Variants in BABAM2 observed in about 807,000 individuals in gnomAD.
BABAM2 encodes BRISC and BRCA1-A complex member 2.
BABAM2 carries 31 observed loss-of-function variants against 54.7 expected under a neutral mutation model. The observed-to-expected ratio is 0.57, with a 90% CI of 0.43 to 0.77. The LOEUF (loss-of-function observed/expected upper bound fraction) is 0.77, where lower values mean the gene tolerates loss of function less well. Among genes scored for constraint, BABAM2 ranks in the 30% least tolerant of loss-of-function variants. BABAM2 has a pLI of 0.00. For missense variants in BABAM2, 364 were observed against 455.8 expected (o/e 0.80, Z 1.83); for synonymous variants, 167 against 162.9 (o/e 1.03, Z -0.19).
intron 3 of BABAM2, among the ~76,000 whole-genome samples, chr2:27,967,737 G>C (rs1313403955): frequency 6.6e-6 from 1 of 152,174 alleles, no homozygotes; most frequent in African/African-American, 2.4e-5. Flanking sequence ...AAGCCAAGCT[G>C]AGGTGGTTTC....
chr2:27,939,862 T>C (rs141322342), intron 3 of BABAM2, among the ~76,000 whole-genome samples: 2 of 152,326 alleles, frequency 1.3e-5, no homozygotes, highest in East Asian at 3.9e-4. Flanking sequence ...TACTCACTAA[T>C]TGATTCTTAC....
At chr2:28,253,767 T>C (rs561579907) in intron 10 of BABAM2, among the ~76,000 whole-genome samples, 1 of 152,164 alleles carries the variant, frequency 6.6e-6, no homozygotes, top group African/African-American at 2.4e-5. Flanking sequence ...CAGAGAGATA[T>C]GGAGACTATC....
At position 27,922,029 on chromosome 2, in the gene BABAM2, C is replaced by T. The variant is rs116767574; in HGVS notation, c.129-7803C>T. Among the ~76,000 whole-genome samples the T allele has an allele frequency of 8.1e-3, 1,240 of 152,204 alleles. 15 individuals are homozygous for T. The highest frequency in any genetic ancestry group is 0.029 in the African/African-American group (1,199 of 41,524). On this transcript the variant is annotated intron_variant, in intron 2 of 11. Transcript: ENST00000379624. ...TACATAGTTGTTGGAGTGTTCACCT[C>T]CTGGATATCAGTGCTAGACACTGGA...
At position 28,279,660 on chromosome 2, in the gene BABAM2, C is replaced by CTTTT. The variant is rs59747836; in HGVS notation, c.935-18659_935-18656dup. On this transcript the variant is annotated intron_variant, in intron 10 of 11. Transcript: ENST00000379624. Reference sequence around the variant, plus strand: ...TAGTGCAGACAGGGCAGCTCAAAGGCTTTTTTTTTTTTTTTTTTTTTTGAG... The same window carrying CTTTT: ...TAGTGCAGACAGGGCAGCTCAAAGGCTTTTTTTTTTTTTTTTTTTTTTTTTTGAG... Among the ~76,000 whole-genome samples the CTTTT allele has an allele frequency of 4.3e-3, 429 of 100,256 alleles. 14 individuals carry two copies. Among genetic ancestry groups the CTTTT allele is most frequent in the African/African-American group, 0.017 (384 of 22,958 alleles). 65.8% of individuals were successfully genotyped at this position (100,256 alleles called of 152,430 possible).
intron 3 of BABAM2, among the ~76,000 whole-genome samples, chr2:27,949,914 G>A (rs1163509475): frequency 1.3e-5 from 2 of 152,062 alleles, no homozygotes; most frequent in Non-Finnish European, 2.9e-5. Context: ...TCCCCTTCCT[G>A]TTGCCCTCTC....
chr2:28,197,992 G>A (rs551882075), intron 7 of BABAM2, among the ~76,000 whole-genome samples: 12 of 152,230 alleles, frequency 7.9e-5, no homozygotes, highest in East Asian at 3.9e-4. Context: ...CGGGAACCCC[G>A]TAAGTCCATA....
chr2:27,935,321 C>G (rs1357690228), intron 3 of BABAM2, among the ~76,000 whole-genome samples: 1 of 152,196 alleles, frequency 6.6e-6, no homozygotes, highest in Non-Finnish European at 1.5e-5. Context: ...AAAAATGATT[C>G]CTTTCAAAAT....
intron 3 of BABAM2, among the ~76,000 whole-genome samples, chr2:27,954,838 A>G (rs116818817): frequency 1.9e-3 from 286 of 152,284 alleles, no homozygotes; most frequent in Middle Eastern, 0.014. Flanking sequence ...TATTTGGTGA[A>G]CTCCAAATAT....
rs559759442 is a variant in BABAM2, at chr2:28,232,470, G to A, written c.681-4732G>A. Among the ~76,000 whole-genome samples, 11 of 152,250 alleles carry A rather than the reference G, an allele frequency of 7.2e-5. No individual in the cohort carries two copies. The East Asian group carries it at 1.2e-3, about 16-fold the overall frequency. On this transcript the variant is annotated intron_variant, in intron 7 of 11. Coordinates refer to ENST00000379624, the MANE Select transcript of BABAM2 (RefSeq NM_199191.3). ...ATGCATTGCTTAATGGCCAGGACAC[G>A]TTCTGAGAAATGTGTCATTAAGCAG...
intron 3 of BABAM2, among the ~76,000 whole-genome samples, chr2:27,952,348 A>G (rs910063772): frequency 2.0e-5 from 3 of 152,174 alleles, no homozygotes; most frequent in African/African-American, 7.2e-5. Flanking sequence ...AAATGCTTAC[A>G]TTTCTATTAG....
chr2:28,089,837 G>A (rs371207140), intron 6 of BABAM2, among the ~76,000 whole-genome samples: 4 of 152,004 alleles, frequency 2.6e-5, no homozygotes, highest in East Asian at 1.9e-4. Flanking sequence ...CCTTCAATGC[G>A]ATTAATGTTT....
At chr2:28,164,616 A>G (rs1047465814) in intron 7 of BABAM2, among the ~76,000 whole-genome samples, 1 of 149,948 alleles carries the variant, frequency 6.7e-6, no homozygotes, top group Non-Finnish European at 1.5e-5. Context: ...TCTTTTTCCC[A>G]TACATTAAGA....
At chr2:28,094,751 T>G (rs1347203425) in intron 6 of BABAM2, among the ~76,000 whole-genome samples, 2 of 152,126 alleles carry the variant, frequency 1.3e-5, no homozygotes, top group African/African-American at 4.8e-5. Flanking sequence ...TTATGTATCT[T>G]TCCAGGATTT....
At chr2:28,008,369 T>C (rs1374042703) in intron 4 of BABAM2, among the ~76,000 whole-genome samples, 1 of 152,190 alleles carries the variant, frequency 6.6e-6, no homozygotes, top group African/African-American at 2.4e-5. Context: ...TAATCTTACT[T>C]GTAGCAGGGG....
At chr2:28,106,534 A>G (rs74576866) in intron 6 of BABAM2, among the ~76,000 whole-genome samples, 9,724 of 152,290 alleles carry the variant, frequency 0.064, 364 homozygotes, top group South Asian at 0.13. Context: ...ATTTCTCTCA[A>G]TTTGGATTTG....
At chr2:28,127,680 G>T (rs543133981) in intron 6 of BABAM2, among the ~76,000 whole-genome samples, 13 of 152,268 alleles carry the variant, frequency 8.5e-5, no homozygotes, top group African/African-American at 2.9e-4. Flanking sequence ...GAGACCGAAG[G>T]TTCCGGAGTT....
chr2:28,056,022 A>T (rs540144807), intron 6 of BABAM2, among the ~76,000 whole-genome samples: 1 of 152,188 alleles, frequency 6.6e-6, no homozygotes, highest in Non-Finnish European at 1.5e-5. Context: ...TCTCGCTTGT[A>T]TGTAGAATCT....
rs70956008 is a variant in BABAM2, at chr2:28,258,615, C to CTTTTTTTTTTTTTT, written c.934+13756_934+13769dup. ...CTTAAGTCTTTTTCTTTTTTCTTTT[C>CTTTTTTTTTTTTTT]TTTTTTTTTTTTTTTTGAGACAGGA... On this transcript the variant is annotated intron_variant, in intron 10 of 11. Transcript: ENST00000379624. Among the ~76,000 whole-genome samples, 84 of 100,000 alleles carry CTTTTTTTTTTTTTT rather than the reference C, an allele frequency of 8.4e-4. 2 individuals are homozygous for CTTTTTTTTTTTTTT. Among genetic ancestry groups the CTTTTTTTTTTTTTT allele is most frequent in the African/African-American group, 2.2e-3 (59 of 26,884 alleles). The allele number at this position is 100,000 out of a possible 152,430, so 65.6% of individuals were successfully genotyped here. A position where few individuals can be genotyped will look rare whatever the true frequency, so the allele number is the denominator to read the frequency against.
At chr2:28,032,633 A>G (rs1676381432) in intron 5 of BABAM2, among the ~76,000 whole-genome samples, 1 of 152,050 alleles carries the variant, frequency 6.6e-6, no homozygotes. Flanking sequence ...CTGGTTTTAT[A>G]ATGTTTAAGA....
Sources: allele counts gnomAD v4.1 joint callset (sites outside exome capture counted in the v4.1 genomes callset), GRCh38; gene constraint gnomAD v4.1.1; transcripts MANE v1.5; gene names NCBI Gene and HGNC (gene_info 2026-07-23, HGNC 2026-07-21).